The following IGSF9B variants were observed in gnomAD, a reference collection of about 807,000 sequenced individuals.
IGSF9B encodes the protein immunoglobulin superfamily member 9B.
A neutral mutation model predicts 143.7 loss-of-function variants in IGSF9B; 48 were observed. The observed-to-expected ratio is 0.33, with a 90% confidence interval of 0.26 to 0.42. The LOEUF (loss-of-function observed/expected upper bound fraction) is 0.42, where lower values mean the gene tolerates loss of function less well. IGSF9B is among the 20% of genes least tolerant of loss of function. The probability of loss-of-function intolerance (pLI) is 1.00; values close to 1 mark genes in which losing one functional copy is unlikely to be tolerated. For synonymous variants in IGSF9B, 903 were observed against 833.1 expected (o/e 1.08, Z -1.44); for missense variants, 1,706 against 1,980.0 (o/e 0.86, Z 2.63).
intron 3 of IGSF9B, among the ~76,000 whole-genome samples, chr11:133,939,580 G>C (rs149048230): frequency 6.6e-6 from 1 of 152,252 alleles, no homozygotes; most frequent in African/African-American, 2.4e-5. Context: ...CCTGCAGGCC[G>C]ATACCAAAAC....
At position 133,928,493 on chromosome 11, in the gene IGSF9B, C is replaced by T. The variant is rs1003980145; in HGVS notation, c.1631+1178G>A. 1.3e-5 allele frequency among the ~76,000 whole-genome samples: 2 copies of T among 152,196 alleles called. No individual in the cohort carries two copies. The highest frequency in any genetic ancestry group is 3.9e-4 in the East Asian group (2 of 5,182). Reference sequence around the variant, plus strand: ...AAGTGGATAAAGGGGTCTCCCTGAACCCCCTGAGCTGCCCCAGGTGCCTGC... The same window carrying T: ...AAGTGGATAAAGGGGTCTCCCTGAATCCCCTGAGCTGCCCCAGGTGCCTGC... On this transcript the variant is annotated intron_variant, in intron 12 of 19. Transcript: ENST00000533871. The surrounding 1 kb of genome is among the most constrained non-coding windows in gnomAD (Gnocchi z 4.7).
rs986957919 is a variant in IGSF9B, at chr11:133,907,993, T to G, written c.*1076A>C. On this transcript the variant is annotated 3_prime_UTR_variant, in exon 20 of 20. Transcript: ENST00000533871. The stretch of plus-strand genomic sequence containing the variant: ...TAGCTCCCACAAAAGCAAAGGAGGA[T>G]CCAATCAGCCGCTGTGGAACAGCAC... Among the ~76,000 whole-genome samples the G allele has an allele frequency of 2.0e-5, 3 of 152,148 alleles. No homozygotes were observed. Among genetic ancestry groups the G allele is most frequent in the African/African-American group, 7.2e-5 (3 of 41,444 alleles).
chr11:133,927,877 G>A (rs572346197), intron 12 of IGSF9B, among the ~76,000 whole-genome samples: 4 of 152,238 alleles, frequency 2.6e-5, no homozygotes, highest in South Asian at 2.1e-4. Flanking sequence ...CCCGGGTCCC[G>A]GCTCACTACC....
chr11:133,946,604 C>T (rs994540368), intron 1 of IGSF9B, among the ~76,000 whole-genome samples: 7 of 152,228 alleles, frequency 4.6e-5, no homozygotes, highest in Admixed American at 2.6e-4. Flanking sequence ...CATCCTGCCC[C>T]AAGAATTACA....
rs1402405924 is a variant in IGSF9B at position 133,910,741 on chromosome 11, C to G, written c.4105+1145G>C. Among the ~76,000 whole-genome samples, 3 of 152,284 alleles carry G rather than the reference C, an allele frequency of 2.0e-5. No individual in the cohort carries two copies. The East Asian group carries it at 5.8e-4, about 29-fold the overall frequency. Reference sequence around the variant, plus strand: ...TGCCACCACAGAACTGGTAACAGGACCACTGCCATCAGAACAAGAGACAAT... The same window carrying G: ...TGCCACCACAGAACTGGTAACAGGAGCACTGCCATCAGAACAAGAGACAAT... On this transcript the variant is annotated intron_variant, in intron 19 of 19. Coordinates refer to ENST00000533871, the MANE Select transcript of IGSF9B (RefSeq NM_001277285.4).
Position 133,931,048 on chromosome 11 carries a change from C to A in IGSF9B, c.1455G>T (p.Glu485Asp), listed in dbSNP as rs536183899. 4.2e-5 allele frequency: 67 copies of A among 1,613,672 alleles called. 1 individual carries two copies. Among genetic ancestry groups the A allele is most frequent in the Non-Finnish European group, 4.2e-6 (5 of 1,179,832 alleles). ...CCACGTTGGTGGCGACACATTCCCA[C>A]TCCCCGTGGTCCTCCTTACTCAGGG... ...FRALSKEDHGEWECVATNVVT... is the reference protein window; with the variant it reads ...FRALSKEDHGDWECVATNVVT... Residue 485 changes from glutamate (E) to aspartate (D), a missense_variant, in exon 11 of 20, where the codon GAG becomes GAT. Physicochemically the swap from Glu to Asp is conservative, Grantham distance 45 (BLOSUM62 2). This residue lies in a region of IGSF9B where 238 missense variants were observed against 452.6 expected (regional missense o/e 0.53). Coordinates refer to ENST00000533871, the MANE Select transcript of IGSF9B (RefSeq NM_001277285.4). This position sits in a 1 kb window ranked among gnomAD's most constrained non-coding sequence, Gnocchi z 7.7.
rs563678661 is a variant in IGSF9B, at chr11:133,901,444, A to G, written c.*7625T>C. 1.2e-4 allele frequency: 18 copies of G among 152,264 alleles called. No homozygotes were observed. Among genetic ancestry groups the G allele is most frequent in the South Asian group, 8.3e-4 (4 of 4,828 alleles). 9.4% of individuals were successfully genotyped at this position (152,264 alleles called of 1,614,324 possible). A position where few individuals can be genotyped will look rare whatever the true frequency, so the allele number is the denominator to read the frequency against. On this transcript the variant is annotated 3_prime_UTR_variant, in exon 20 of 20. Transcript: ENST00000533871. Reference sequence around the variant, plus strand: ...TTATCTAGGTGTTCTTTATATTTATATATGTGTGCAGAGGGCACGGGCCCC... The same window carrying G: ...TTATCTAGGTGTTCTTTATATTTATGTATGTGTGCAGAGGGCACGGGCCCC...
chr11:133,911,095 C>T (rs1477544742), intron 19 of IGSF9B, among the ~76,000 whole-genome samples: 2 of 152,210 alleles, frequency 1.3e-5, no homozygotes, highest in Non-Finnish European at 2.9e-5. Context: ...TACTCTACAA[C>T]AGTTATCAAA....
intron 7 of IGSF9B, 81 bp downstream of exon 7, chr11:133,935,536 C>G: frequency 1.4e-6 from 2 of 1,436,154 alleles, no homozygotes; most frequent in Non-Finnish European, 1.9e-6. Context: ...TTGGTCTTTG[C>G]TACCCTCCAG....
At position 133,948,056 on chromosome 11, in the gene IGSF9B, C is replaced by CGTGTGCGTGT. The variant is rs1940088890; in HGVS notation, c.65-1799_65-1798insACACGCACAC. ...CTGTTTCTGTCTACCAGCATGTGTG[C>CGTGTGCGTGT]GTGTGTGTGTGTGTGTGTGTGTGTG... On this transcript the variant is annotated intron_variant, in intron 1 of 19. Transcript: ENST00000533871. The surrounding 1 kb of genome is among the most constrained non-coding windows in gnomAD (Gnocchi z 4.7). Among the ~76,000 whole-genome samples the CGTGTGCGTGT allele has an allele frequency of 6.8e-6, 1 of 147,186 alleles. No homozygotes were observed. Among genetic ancestry groups the CGTGTGCGTGT allele is most frequent in the African/African-American group, 2.6e-5 (1 of 39,074 alleles).
chr11:133,942,793 C>T (rs1044075063), intron 3 of IGSF9B, among the ~76,000 whole-genome samples: 2 of 152,164 alleles, frequency 1.3e-5, no homozygotes, highest in African/African-American at 2.4e-5. Context: ...CAAAAGCTTA[C>T]CAGGTGGTCA....
At chr11:133,935,242 T>C (rs1939801611) in intron 7 of IGSF9B, among the ~76,000 whole-genome samples, 1 of 152,136 alleles carries the variant, frequency 6.6e-6, no homozygotes, top group East Asian at 1.9e-4. Flanking sequence ...TGGGCTATGC[T>C]CCATAAGACA....
At chr11:133,955,205 T>C (rs976001686) in intron 1 of IGSF9B, among the ~76,000 whole-genome samples, 2 of 152,130 alleles carry the variant, frequency 1.3e-5, no homozygotes, top group African/African-American at 4.8e-5. Context: ...ACAGGCAGAC[T>C]GTCAAGCGCA....
intron 1 of IGSF9B, 50 bp from the exon 2 acceptor site, chr11:133,946,308 C>G: frequency 6.5e-7 from 1 of 1,527,494 alleles, no homozygotes; most frequent in Non-Finnish European, 9.0e-7. Flanking sequence ...CAAAGAGATC[C>G]TGCCCCAGCA....
In IGSF9B at chr11:133,931,288, C is replaced by T. The variant is rs950028128; in HGVS notation, c.1369-154G>A. Among the ~76,000 whole-genome samples the T allele has an allele frequency of 7.9e-5, 12 of 152,074 alleles. No homozygotes were observed. Among genetic ancestry groups the T allele is most frequent in the South Asian group, 2.1e-4 (1 of 4,822 alleles). On this transcript the variant is annotated intron_variant, in intron 10 of 19. Coordinates refer to ENST00000533871, the MANE Select transcript of IGSF9B (RefSeq NM_001277285.4). The surrounding 1 kb of genome is among the most constrained non-coding windows in gnomAD (Gnocchi z 7.7). ...CGCTCTTCAGGGTCAGCTCACTGCTCGGCATCTAGCCTGGTCAGGGCAGGT... is the reference window on the plus strand; with the variant it reads ...CGCTCTTCAGGGTCAGCTCACTGCTTGGCATCTAGCCTGGTCAGGGCAGGT...
chr11:133,929,218 C>A (rs570059917), intron 12 of IGSF9B, among the ~76,000 whole-genome samples: 4 of 152,168 alleles, frequency 2.6e-5, no homozygotes, highest in African/African-American at 9.7e-5. Context: ...AAATATCTCA[C>A]GTACCCCATA....
Position 133,920,351 on chromosome 11 carries a change from G to A in IGSF9B, c.3374C>T (p.Pro1125Leu), listed in dbSNP as rs1591711428. Reference sequence around the variant, plus strand: ...CCCTTGGCTTACCAGAGGTTGCATAGGTCTGTCCTGCCACTTGGCGGCGGG... The same window carrying A: ...CCCTTGGCTTACCAGAGGTTGCATAAGTCTGTCCTGCCACTTGGCGGCGGG... ...APPAAKWQDR[P>L]MQPLVSQGQL... The change falls in exon 18 of 20, where the codon CCT (proline) becomes CTT (leucine). Residue 1125 changes from proline (P) to leucine (L), a missense_variant. Physicochemically the swap from Pro to Leu is moderately conservative, Grantham distance 98. Transcript: ENST00000533871. The A allele has an allele frequency of 1.2e-6, 2 of 1,604,802 alleles. No individual in the cohort carries two copies. The highest frequency in any genetic ancestry group is 1.7e-6 in the Non-Finnish European group (2 of 1,175,858).
chr11:133,947,484 G>A lies in IGSF9B; in HGVS notation c.65-1226C>T, dbSNP rs143800285. Among the ~76,000 whole-genome samples, 5 of 152,344 alleles carry A rather than the reference G, an allele frequency of 3.3e-5. No homozygotes were observed. The East Asian group carries it at 9.7e-4, about 29-fold the overall frequency. On this transcript the variant is annotated intron_variant, in intron 1 of 19. Transcript: ENST00000533871. The stretch of plus-strand genomic sequence containing the variant: ...GGACAGCAGCTGCAGTACCGAAGCG[G>A]CAGCTTAAAGACAGAGAGCCAGCTG...
In IGSF9B at chr11:133,936,204, G is replaced by C. The variant is rs748647116; in HGVS notation, c.680-10C>G. The C allele has an allele frequency of 6.2e-7, 1 of 1,605,322 alleles. No homozygotes were observed. Among genetic ancestry groups the C allele is most frequent in the Non-Finnish European group, 8.5e-7 (1 of 1,176,186 alleles). On this transcript the variant is annotated splice_polypyrimidine_tract_variant and intron_variant, in intron 5 of 19. Coordinates refer to ENST00000533871, the MANE Select transcript of IGSF9B (RefSeq NM_001277285.4). ...ACGATGAAAGGGGGCCCTGGGGAGA[G>C]CAGGGAACAAACCCCACCTCGCCTG...
Sources: allele counts gnomAD v4.1 joint callset (sites outside exome capture counted in the v4.1 genomes callset), GRCh38; gene constraint gnomAD v4.1.1; regional missense constraint gnomAD v4.1.1; non-coding constraint Gnocchi (gnomAD v3.1); transcripts MANE v1.5; gene names NCBI Gene and HGNC (gene_info 2026-07-23, HGNC 2026-07-21).